Variants in MARCHF11 observed in about 807,000 individuals in gnomAD.
The protein encoded by MARCHF11 is E3 ubiquitin-protein ligase MARCHF11.
MARCHF11 carries 29 observed loss-of-function variants against 37.3 expected under a neutral mutation model. That is an observed-to-expected ratio of 0.78 (90% CI 0.58 to 1.06). The LOEUF (loss-of-function observed/expected upper bound fraction) is 1.06, where lower values mean the gene tolerates loss of function less well. Among genes scored for constraint, MARCHF11 ranks in the 50% least tolerant of loss-of-function variants. The pLI, the probability that MARCHF11 is intolerant of heterozygous loss-of-function variation, is 0.00. For missense variants in MARCHF11, 482 were observed against 533.4 expected (o/e 0.90, Z 0.95); for synonymous variants, 233 against 228.0 (o/e 1.02, Z -0.20).
chr5:16,109,171 C>T (rs1252780482), intron 2 of MARCHF11, among the ~76,000 whole-genome samples: 1 of 151,808 alleles, frequency 6.6e-6, no homozygotes, highest in Admixed American at 6.6e-5. Flanking sequence ...TCCTGGAACA[C>T]AGCTCCTAGA....
intron 2 of MARCHF11, among the ~76,000 whole-genome samples, chr5:16,130,742 T>C (rs544458170): frequency 1.3e-5 from 2 of 152,258 alleles, no homozygotes; most frequent in African/African-American, 4.8e-5. Context: ...AGAAGACAAA[T>C]GCCATCACAG....
Position 16,143,068 on chromosome 5 carries a change from A to C in MARCHF11, c.693+34658T>G, listed in dbSNP as rs373665512. ...TTTTACTTTTTAATGGATAAAAGCA[A>C]ATAGTATCAGATCTTAAACAGGGCA... On this transcript the variant is annotated intron_variant, in intron 2 of 3. Transcript: ENST00000332432. Among the ~76,000 whole-genome samples, 5 of 151,972 alleles carry C rather than the reference A, an allele frequency of 3.3e-5. 1 individual carries two copies. The highest frequency in any genetic ancestry group is 1.9e-4 in the East Asian group (1 of 5,166).
chr5:16,143,963 A>T (rs1263143609), intron 2 of MARCHF11, among the ~76,000 whole-genome samples: 1 of 152,220 alleles, frequency 6.6e-6, no homozygotes, highest in East Asian at 1.9e-4. Context: ...CCTAGCCGTG[A>T]TGATGCTCAC....
rs1347508852 is a variant in MARCHF11 at position 16,179,509 on chromosome 5, G to A, written c.67C>T (p.Pro23Ser). ...RGAESGDAEP[P>S]PQPPPPPPPT... ...GGCGGCGGCGGGGGAGGTTGCGGGG[G>A]AGGCTCGGCGTCCCCGCTCTCCGCC... is the stretch of plus-strand genomic sequence containing the variant. The change falls in exon 1 of 4, where the codon CCC (proline) becomes TCC (serine). Residue 23 changes from proline to serine, a missense_variant. Coordinates refer to ENST00000332432, the MANE Select transcript of MARCHF11 (RefSeq NM_001102562.3). 17 of 1,172,578 alleles carry A rather than the reference G, an allele frequency of 1.4e-5. No individual in the cohort carries two copies. The highest frequency in any genetic ancestry group is 3.4e-4 in the Middle Eastern group (1 of 2,916). The allele number at this position is 1,172,578 out of a possible 1,614,324, so 72.6% of individuals were successfully genotyped here.
chr5:16,170,774 C>T (rs375713044), intron 2 of MARCHF11, among the ~76,000 whole-genome samples: 1 of 152,210 alleles, frequency 6.6e-6, no homozygotes, highest in African/African-American at 2.4e-5. Flanking sequence ...ATGCTTGTCC[C>T]TCAGAATACA....
At chr5:16,086,889 G>A (rs1458832296) in intron 3 of MARCHF11, among the ~76,000 whole-genome samples, 1 of 152,180 alleles carries the variant, frequency 6.6e-6, no homozygotes, top group East Asian at 1.9e-4. Context: ...AGGGTGGAGT[G>A]AAGAAGCAAA....
At chr5:16,104,971 T>C (rs906912488) in intron 2 of MARCHF11, among the ~76,000 whole-genome samples, 1 of 152,064 alleles carries the variant, frequency 6.6e-6, no homozygotes, top group Non-Finnish European at 1.5e-5. Context: ...CCTGGGCACA[T>C]AGTGGGTGTT....
chr5:16,178,905 C>G (rs1278969551), intron 1 of MARCHF11, 134 bp downstream of exon 1: 36 of 1,120,552 alleles, frequency 3.2e-5, no homozygotes, highest in Non-Finnish European at 4.1e-5. Context: ...GGAGCCAGCG[C>G]TCACAGGGCA....
chr5:16,124,097 C>T (rs1193547093), intron 2 of MARCHF11, among the ~76,000 whole-genome samples: 3 of 152,136 alleles, frequency 2.0e-5, no homozygotes, highest in South Asian at 2.1e-4. Context: ...ACGAGAGTGA[C>T]GTTGCAGGCC....
At chr5:16,171,694 T>G (rs1385607695) in intron 2 of MARCHF11, among the ~76,000 whole-genome samples, 1 of 152,170 alleles carries the variant, frequency 6.6e-6, no homozygotes, top group Non-Finnish European at 1.5e-5. Flanking sequence ...AAATATTTCC[T>G]GTCTGACCCT....
chr5:16,161,127 C>T (rs979340895), intron 2 of MARCHF11, among the ~76,000 whole-genome samples: 1 of 151,680 alleles, frequency 6.6e-6, no homozygotes, highest in African/African-American at 2.4e-5. Flanking sequence ...TGTTGGTGTG[C>T]TGCACCCATT....
chr5:16,110,539 G>A (rs935790819), intron 2 of MARCHF11, among the ~76,000 whole-genome samples: 1 of 152,028 alleles, frequency 6.6e-6, no homozygotes, highest in Non-Finnish European at 1.5e-5. Context: ...TGAATTAGAA[G>A]GTATTCAGGT....
At chr5:16,158,447 T>C (rs957163098) in intron 2 of MARCHF11, among the ~76,000 whole-genome samples, 1 of 151,846 alleles carries the variant, frequency 6.6e-6, no homozygotes, top group Admixed American at 6.6e-5. Context: ...TGCAACAACA[T>C]GTATGAACCT....
chr5:16,078,525 A>G (rs1467169287), intron 3 of MARCHF11, among the ~76,000 whole-genome samples: 3 of 152,154 alleles, frequency 2.0e-5, no homozygotes, highest in East Asian at 3.9e-4. Context: ...GCTGGTGCCC[A>G]CGGTTCCACA....
intron 3 of MARCHF11, among the ~76,000 whole-genome samples, chr5:16,090,078 G>A (rs927276637): frequency 3.9e-5 from 6 of 152,118 alleles, no homozygotes; most frequent in Non-Finnish European, 8.8e-5. Context: ...AGATCTGGGT[G>A]GAGCCTGTGC....
intron 3 of MARCHF11, among the ~76,000 whole-genome samples, chr5:16,080,098 T>C (rs1384279890): frequency 6.6e-6 from 1 of 152,202 alleles, no homozygotes; most frequent in Admixed American, 6.5e-5. Flanking sequence ...TTTAACTGTG[T>C]CCTTTGTCAG....
chr5:16,173,480 T>C (rs560238032), intron 2 of MARCHF11, among the ~76,000 whole-genome samples: 4 of 152,268 alleles, frequency 2.6e-5, no homozygotes, highest in Admixed American at 2.6e-4. Context: ...AAATAAGACC[T>C]ACAGTGAGGG....
At chr5:16,147,918 A>G (rs548791902) in intron 2 of MARCHF11, among the ~76,000 whole-genome samples, 1 of 152,268 alleles carries the variant, frequency 6.6e-6, no homozygotes, top group South Asian at 2.1e-4. Flanking sequence ...TTCAATGAGT[A>G]CACTTCCAAT....
In MARCHF11 at chr5:16,067,558, C is replaced by A. The variant is rs201724441; in HGVS notation, c.1122G>T (p.Leu374Phe). ...GGGGCCTCATCCGATTGAACAGGTG[C>A]AATAACACATAGCCACACTGAAACC... ...SPRFQCGYVL[L>F]HLFNRMRPHE... The change falls in exon 4 of 4, where the codon TTG becomes TTT. Residue 374 changes from leucine (L) to phenylalanine (F), a missense_variant. Coordinates refer to ENST00000332432, the MANE Select transcript of MARCHF11 (RefSeq NM_001102562.3). 6.2e-7 allele frequency: 1 copy of A among 1,613,922 alleles called. No individual in the cohort carries two copies. The highest frequency in any genetic ancestry group is 1.3e-5 in the African/African-American group (1 of 75,014).
Sources: gnomAD v4.1 joint callset for allele counts (sites outside exome capture counted in the v4.1 genomes callset) on GRCh38, gnomAD v4.1.1 for gene constraint, MANE v1.5 for transcripts, NCBI Gene and HGNC (gene_info 2026-07-23, HGNC 2026-07-21) for gene names.